The following AQR variants were observed in gnomAD, a reference collection of about 807,000 sequenced individuals.
AQR encodes aquarius intron-binding spliceosomal factor.
A neutral mutation model predicts 180.5 loss-of-function variants in AQR; 61 were observed. The observed-to-expected ratio is 0.34, with a 90% CI of 0.28 to 0.42. The LOEUF (loss-of-function observed/expected upper bound fraction) is 0.42. Ranked by LOEUF, AQR falls within the 10% of genes least tolerant of loss-of-function variation. The pLI is 1.00. For synonymous variants in AQR, 551 were observed against 588.8 expected (o/e 0.94, Z 0.93); for missense variants, 1,281 against 1,798.3 (o/e 0.71, Z 5.20).
intron 24 of AQR, among the ~76,000 whole-genome samples, chr15:34,887,661 T>C (rs1893083405): frequency 6.6e-6 from 1 of 152,204 alleles, no homozygotes; most frequent in Non-Finnish European, 1.5e-5. Context: ...CATAACCCTT[T>C]AATGCTTAAA....
Position 34,876,644 on chromosome 15 carries a change from C to T in AQR, c.3166-638G>A, listed in dbSNP as rs541963734. Among the ~76,000 whole-genome samples, 32 of 152,246 alleles carry T rather than the reference C, an allele frequency of 2.1e-4. 1 individual carries two copies. In the Middle Eastern group the frequency reaches 0.017, roughly 81 times the overall value. On this transcript the variant is annotated intron_variant, in intron 27 of 34. Coordinates refer to ENST00000156471, the MANE Select transcript of AQR (RefSeq NM_014691.3). Reference sequence around the variant, plus strand: ...TCTTGACTCCTCTAAGGCACTTATACAACTCCTTATTTCAAATCCTTCACA... The same window carrying T: ...TCTTGACTCCTCTAAGGCACTTATATAACTCCTTATTTCAAATCCTTCACA...
intron 33 of AQR, among the ~76,000 whole-genome samples, chr15:34,860,473 A>G (rs1035122439): frequency 6.6e-6 from 1 of 151,952 alleles, no homozygotes; most frequent in African/African-American, 2.4e-5. Flanking sequence ...GTTAGAGACT[A>G]GAAGAGCTAA....
chr15:34,961,721 A>G (rs2050280833), intron 2 of AQR, among the ~76,000 whole-genome samples: 1 of 151,764 alleles, frequency 6.6e-6, no homozygotes, highest in Admixed American at 6.6e-5. Flanking sequence ...ACTGGTTCAA[A>G]ACATCTGCCT....
intron 32 of AQR, 125 bp from the exon 33 acceptor site, chr15:34,863,166 T>C: frequency 1.1e-6 from 1 of 870,620 alleles, no homozygotes; most frequent in Non-Finnish European, 1.7e-6. Context: ...TTAAGCTTCT[T>C]AAAAACTTAA....
intron 4 of AQR, among the ~76,000 whole-genome samples, chr15:34,949,592 T>G (rs1595808457): frequency 9.8e-6 from 1 of 101,530 alleles, no homozygotes; most frequent in Non-Finnish European, 1.8e-5. Flanking sequence ...CTGGCAACAG[T>G]GAGACTCCGT....
At chr15:34,932,072 G>C (rs773147265) in intron 11 of AQR, among the ~76,000 whole-genome samples, 6 of 152,050 alleles carry the variant, frequency 3.9e-5, no homozygotes, top group Non-Finnish European at 8.8e-5. Flanking sequence ...CAAAACTTGT[G>C]AACATGTGTG....
rs1215109219 is a variant in AQR, at chr15:34,867,613, G to C, written c.3769-4C>G. ...GAAATCTATCAACAGTTGTCACCTA[G>C]AAATAAAAAATGGAAAATATGGTGC... On this transcript the variant is annotated splice_polypyrimidine_tract_variant and splice_region_variant and intron_variant, in intron 31 of 34. Transcript: ENST00000156471. 5.6e-6 allele frequency: 9 copies of C among 1,603,670 alleles called. No individual in the cohort carries two copies. The highest frequency in any genetic ancestry group is 1.3e-5 in the African/African-American group (1 of 74,162).
At chr15:34,940,676 T>C (rs753129153) in intron 8 of AQR, among the ~76,000 whole-genome samples, 2 of 152,164 alleles carry the variant, frequency 1.3e-5, no homozygotes, top group Non-Finnish European at 2.9e-5. Context: ...TATATATACT[T>C]AGCAGCACAG....
At chr15:34,874,940 G>A in intron 28 of AQR, 76 bp from the exon 29 acceptor site, 11 of 1,351,632 alleles carry the variant, frequency 8.1e-6, no homozygotes, top group East Asian at 2.4e-5. Flanking sequence ...GAGAGACTCA[G>A]TCTTCATCAA....
At chr15:34,930,535 C>T (rs991535461) in intron 11 of AQR, among the ~76,000 whole-genome samples, 164 bp from the exon 12 acceptor site, 2 of 152,098 alleles carry the variant, frequency 1.3e-5, no homozygotes, top group South Asian at 2.1e-4. Context: ...CAACTAAAAA[C>T]GTTTTAGTTA....
intron 9 of AQR, among the ~76,000 whole-genome samples, chr15:34,936,953 T>C (rs1386818622): frequency 6.6e-6 from 1 of 152,194 alleles, no homozygotes; most frequent in Non-Finnish European, 1.5e-5. Context: ...CCAATCTTAG[T>C]CCTCTTTCCA....
chr15:34,905,223 AATC>A (rs1351982216), intron 18 of AQR, among the ~76,000 whole-genome samples: 3 of 151,950 alleles, frequency 2.0e-5, no homozygotes, highest in Non-Finnish European at 4.4e-5. Context: ...TAAATAACTT[AATC>A]ATCAGCAGTT....
At chr15:34,877,550 C>T (rs921194870) in intron 27 of AQR, among the ~76,000 whole-genome samples, 6 of 152,224 alleles carry the variant, frequency 3.9e-5, no homozygotes, top group Middle Eastern at 3.4e-3. Context: ...TCTAAGAAGT[C>T]CCTGTGTAGA....
intron 9 of AQR, among the ~76,000 whole-genome samples, chr15:34,936,250 T>A (rs1284404855): frequency 6.6e-6 from 1 of 152,178 alleles, no homozygotes; most frequent in Non-Finnish European, 1.5e-5. Context: ...GACCCTATTT[T>A]AAAAAGGAAA....
At chr15:34,929,187 T>C (rs1893811401) in intron 12 of AQR, among the ~76,000 whole-genome samples, 1 of 152,212 alleles carries the variant, frequency 6.6e-6, no homozygotes, top group African/African-American at 2.4e-5. Context: ...AGAAGCTCTT[T>C]AGTTTAATTA....
At position 34,853,793 on chromosome 15, in the gene AQR, C is replaced by A. The variant is rs1473039789; in HGVS notation, c.*2999G>T. On this transcript the variant is annotated 3_prime_UTR_variant, in exon 35 of 35. Transcript: ENST00000156471. ...ACAACTCTCCTGTCCCAAATCCAAA[C>A]AGATCTTTTTCCTTTATTTACAGAT... 1 of 152,190 alleles carries A rather than the reference C, an allele frequency of 6.6e-6. No homozygotes were observed. Among genetic ancestry groups the A allele is most frequent in the Non-Finnish European group, 1.5e-5 (1 of 68,028 alleles). The allele number at this position is 152,190 out of a possible 1,614,324, so 9.4% of individuals were successfully genotyped here.
chr15:34,882,480 A>AAC lies in AQR; in HGVS notation c.3165+21_3165+22insGT. On this transcript the variant is annotated intron_variant, in intron 27 of 34. Transcript: ENST00000156471. ...CTGATAATCTTAAAAAAAAAAAAAA[A>AAC]AAAACTACCATAAGTCTTTACCTTG... The AAC allele has an allele frequency of 2.0e-6, 3 of 1,465,288 alleles. No individual in the cohort carries two copies. In the Admixed American group the frequency reaches 8.3e-5, roughly 40 times the overall value. The allele number at this position is 1,465,288 out of a possible 1,614,324, so 90.8% of individuals were successfully genotyped here. A position where few individuals can be genotyped will look rare whatever the true frequency, so the allele number is the denominator to read the frequency against.
chr15:34,952,731 G>T (rs1894251868), intron 4 of AQR, among the ~76,000 whole-genome samples, 154 bp downstream of exon 4: 2 of 152,136 alleles, frequency 1.3e-5, no homozygotes, highest in African/African-American at 4.8e-5. Flanking sequence ...GAAAACAAAG[G>T]CTATCATATA....
At chr15:34,878,012 T>C (rs1440893542) in intron 27 of AQR, among the ~76,000 whole-genome samples, 1 of 152,114 alleles carries the variant, frequency 6.6e-6, no homozygotes, top group Non-Finnish European at 1.5e-5. Flanking sequence ...TAGAAAACCA[T>C]GTTTTAATAC....
Sources: gnomAD v4.1 joint callset for allele counts (sites outside exome capture counted in the v4.1 genomes callset) on GRCh38, gnomAD v4.1.1 for gene constraint, MANE v1.5 for transcripts, NCBI Gene and HGNC (gene_info 2026-07-23, HGNC 2026-07-21) for gene names.